PRDM15: variants seen among roughly 807,000 people sequenced by gnomAD.
PRDM15 encodes the protein PR/SET domain 15.
In PRDM15, 64 loss-of-function variants were observed where a neutral mutation model predicts 128.6. That is an observed-to-expected ratio of 0.50 (90% CI 0.41 to 0.61). The LOEUF (loss-of-function observed/expected upper bound fraction) is 0.61. Among genes scored for constraint, PRDM15 ranks in the 20% least tolerant of loss-of-function variants. PRDM15 has a pLI of 0.00. For synonymous variants in PRDM15, 615 were observed against 621.8 expected (o/e 0.99, Z 0.16); for missense variants, 1,242 against 1,569.1 (o/e 0.79, Z 3.52).
intron 13 of PRDM15, 73 bp downstream of exon 13, chr21:41,825,887 A>G: frequency 8.7e-7 from 1 of 1,152,240 alleles, no homozygotes; most frequent in East Asian, 2.4e-5. Context: ...CTATAAGTAC[A>G]GCTCATAGAG....
intron 6 of PRDM15, among the ~76,000 whole-genome samples, chr21:41,844,264 G>A (rs2063161648): frequency 6.6e-6 from 1 of 151,988 alleles, no homozygotes; most frequent in Non-Finnish European, 1.5e-5. Flanking sequence ...TGTGGCTCTG[G>A]GACAGCGCTC....
At chr21:41,809,054 G>T in intron 21 of PRDM15, among the ~76,000 whole-genome samples, 1 of 152,146 alleles carries the variant, frequency 6.6e-6, no homozygotes, top group Non-Finnish European at 1.5e-5. Context: ...TGCTTTTCTG[G>T]GATGCGCGGT....
chr21:41,846,294 A>G (rs2063262206), intron 6 of PRDM15, among the ~76,000 whole-genome samples: 1 of 152,266 alleles, frequency 6.6e-6, no homozygotes, highest in Non-Finnish European at 1.5e-5. Context: ...AGACTTGTGG[A>G]AAAATCAGCT....
chr21:41,871,795 C>G (rs1338717665), intron 1 of PRDM15: 2 of 653,146 alleles, frequency 3.1e-6, no homozygotes, highest in Non-Finnish European at 5.1e-6. Context: ...CGTTTCATCA[C>G]CTCTCCAGCA....
At chr21:41,841,297 C>T (rs958255360) in intron 6 of PRDM15, among the ~76,000 whole-genome samples, 1 of 152,170 alleles carries the variant, frequency 6.6e-6, no homozygotes, top group Non-Finnish European at 1.5e-5. Flanking sequence ...TATGAAGGAA[C>T]AACTGCAGTG....
intron 21 of PRDM15, among the ~76,000 whole-genome samples, chr21:41,808,466 C>T (rs1415310832): frequency 1.3e-5 from 2 of 152,208 alleles, no homozygotes; most frequent in Non-Finnish European, 2.9e-5. Flanking sequence ...ACGGCGACGT[C>T]CCGGGTCACC....
chr21:41,826,216 T>C (rs897679031), intron 12 of PRDM15, among the ~76,000 whole-genome samples, 162 bp from the exon 13 acceptor site: 1 of 152,212 alleles, frequency 6.6e-6, no homozygotes, highest in African/African-American at 2.4e-5. Flanking sequence ...ACTTGCACAC[T>C]GTTTGGCATC....
rs1394918603 is a variant in PRDM15, at chr21:41,862,099, A to G, written c.-9-1727T>C. On this transcript the variant is annotated intron_variant, in intron 1 of 23. Transcript: ENST00000398548. This position sits in a 1 kb window ranked among gnomAD's most constrained non-coding sequence, Gnocchi z 4.1. The stretch of plus-strand genomic sequence containing the variant: ...AGGAGATGAACAGGACAAAGGGCAG[A>G]AGAAACCCAGAGTGGGGTGGGGAGG... 1.1e-6 allele frequency: 1 copy of G among 911,680 alleles called. No homozygotes were observed. The highest frequency in any genetic ancestry group is 1.8e-6 in the Non-Finnish European group (1 of 565,082). The allele number at this position is 911,680 out of a possible 1,614,324, so 56.5% of individuals were successfully genotyped here. A position where few individuals can be genotyped will look rare whatever the true frequency, so the allele number is the denominator to read the frequency against.
chr21:41,879,000 C>A (rs2064536321), intron 1 of PRDM15: 2 of 1,007,118 alleles, frequency 2.0e-6, no homozygotes, highest in South Asian at 3.9e-5. Context: ...CGGGACCCGG[C>A]GGGCGGGCGG....
At position 41,828,224 on chromosome 21, in the gene PRDM15, G is replaced by A. The variant is rs775294959; in HGVS notation, c.1476C>T (p.Cys492=). 3.1e-6 allele frequency: 5 copies of A among 1,613,972 alleles called. No homozygotes were observed. In the Admixed American group the frequency reaches 6.7e-5, roughly 22 times the overall value. The change falls in exon 12 of 24, where the codon TGC becomes TGT. Residue 492 remains cysteine (C), a synonymous_variant. Transcript: ENST00000398548. This position sits in a 1 kb window ranked among gnomAD's most constrained non-coding sequence, Gnocchi z 5.7. ...HGDKKFACEV[C]SKMFYRKDVM... is the part of the protein sequence containing the mutation. Reference sequence around the variant, plus strand: ...CGTCCTTGCGGTAGAACATCTTGCTGCAGACCTCACAGGCAAACTTCTTGT... The same window carrying A: ...CGTCCTTGCGGTAGAACATCTTGCTACAGACCTCACAGGCAAACTTCTTGT...
intron 1 of PRDM15, among the ~76,000 whole-genome samples, chr21:41,873,239 C>A (rs1225021738): frequency 2.0e-5 from 3 of 152,210 alleles, no homozygotes. Flanking sequence ...GTCTACTCCC[C>A]GGATCTGGAA....
chr21:41,875,657 T>A (rs923616811), intron 1 of PRDM15, among the ~76,000 whole-genome samples: 1 of 152,244 alleles, frequency 6.6e-6, no homozygotes, highest in Non-Finnish European at 1.5e-5. Context: ...CTTCTTCCTC[T>A]AGGAACTCCT....
Position 41,859,761 on chromosome 21 carries a change from C to CAGGGTCCCCATTT in PRDM15, c.38-77_38-76insAAATGGGGACCCT. 1.6e-6 allele frequency: 2 copies of CAGGGTCCCCATTT among 1,261,446 alleles called. No individual in the cohort carries two copies. Among genetic ancestry groups the CAGGGTCCCCATTT allele is most frequent in the Non-Finnish European group, 2.3e-6 (2 of 879,970 alleles). The allele number at this position is 1,261,446 out of a possible 1,614,324, so 78.1% of individuals were successfully genotyped here. On this transcript the variant is annotated intron_variant, in intron 2 of 23. Transcript: ENST00000398548. The surrounding 1 kb of genome is among the most constrained non-coding windows in gnomAD (Gnocchi z 5.3). Reference sequence around the variant, plus strand: ...AGAACACAAACCTGGGAAATGGGGACCCTGGCCCCATGAGGGTGACCCAGA... The same window carrying CAGGGTCCCCATTT: ...AGAACACAAACCTGGGAAATGGGGACAGGGTCCCCATTTCCTGGCCCCATGAGGGTGACCCAGA...
At chr21:41,808,718 T>A (rs541066684) in intron 21 of PRDM15, among the ~76,000 whole-genome samples, 22 of 152,208 alleles carry the variant, frequency 1.4e-4, no homozygotes, top group African/African-American at 5.3e-4. Flanking sequence ...GTATTGTGTA[T>A]ACACACATTA....
At chr21:41,858,846 A>G (rs990455860) in intron 3 of PRDM15, among the ~76,000 whole-genome samples, 1 of 152,156 alleles carries the variant, frequency 6.6e-6, no homozygotes, top group Admixed American at 6.5e-5. Flanking sequence ...AAAAAAAAAT[A>G]AATGAACGGT....
chr21:41,815,625 GCT>G, intron 19 of PRDM15, 78 bp downstream of exon 19: 1 of 1,555,168 alleles, frequency 6.4e-7, no homozygotes, highest in Non-Finnish European at 8.7e-7. Context: ...TCTCAAGGCG[GCT>G]CTCTCTTCTC....
chr21:41,828,911 C>T lies in PRDM15; in HGVS notation c.1367-578G>A, dbSNP rs1038134146. ...CACACAATCACACACCACACAAATA[C>T]AAACACACTCAACACACACCCCCCA... On this transcript the variant is annotated intron_variant, in intron 11 of 23. Transcript: ENST00000398548. This position sits in a 1 kb window ranked among gnomAD's most constrained non-coding sequence, Gnocchi z 5.7. Among the ~76,000 whole-genome samples the T allele has an allele frequency of 6.6e-6, 1 of 151,628 alleles. No homozygotes were observed. The highest frequency in any genetic ancestry group is 6.6e-5 in the Admixed American group (1 of 15,216).
intron 6 of PRDM15, among the ~76,000 whole-genome samples, chr21:41,841,697 T>C (rs2063077902): frequency 6.6e-6 from 1 of 152,238 alleles, no homozygotes; most frequent in South Asian, 2.1e-4. Context: ...CAAAGAGATG[T>C]ATATATACTC....
At chr21:41,868,378 G>A (rs909051328) in intron 1 of PRDM15, among the ~76,000 whole-genome samples, 3 of 152,096 alleles carry the variant, frequency 2.0e-5, no homozygotes, top group African/African-American at 7.2e-5. Context: ...TCATCTGTTA[G>A]GAGGATGTTT....
Sources: gnomAD v4.1 joint callset for allele counts (sites outside exome capture counted in the v4.1 genomes callset) on GRCh38, gnomAD v4.1.1 for gene constraint, Gnocchi (gnomAD v3.1) non-coding constraint, MANE v1.5 for transcripts, NCBI Gene and HGNC (gene_info 2026-07-23, HGNC 2026-07-21) for gene names.